Variants in PCDH15 observed in about 807,000 individuals in gnomAD.
PCDH15 encodes protocadherin-15.
In PCDH15, 129 loss-of-function variants were observed where a neutral mutation model predicts 178.5. That is an observed-to-expected ratio of 0.72 (90% CI 0.63 to 0.84). PCDH15 has a LOEUF of 0.84. Among genes scored for constraint, PCDH15 ranks in the 40% least tolerant of loss-of-function variants. PCDH15 has a pLI of 0.00. For synonymous variants in PCDH15, 800 were observed against 732.0 expected, an observed-to-expected ratio of 1.09 and a Z score of -1.50; for missense variants, 2,230 against 2,099.9, an observed-to-expected ratio of 1.06 and a Z score of -1.21.
intron 23 of PCDH15, among the ~76,000 whole-genome samples, chr10:53,951,142 C>T (rs1185232234): frequency 2.0e-5 from 3 of 152,162 alleles, no homozygotes; most frequent in Admixed American, 1.3e-4. Flanking sequence ...AAGATTAACA[C>T]ATTTTTCTCA....
intron 2 of PCDH15, among the ~76,000 whole-genome samples, chr10:54,534,112 T>C (rs1043095353): frequency 6.6e-6 from 1 of 152,142 alleles, no homozygotes; most frequent in Non-Finnish European, 1.5e-5. Context: ...ATAGACAGAC[T>C]AGGCCTACAT....
chr10:54,008,885 A>G lies in PCDH15; in HGVS notation c.2751+11307T>C, dbSNP rs140197311. On this transcript the variant is annotated intron_variant, in intron 20 of 37. Transcript: ENST00000644397. ...TTTTGCTATTTAGTCTATATAGATC[A>G]CTCTCACCTTAGTCTTTTTCATCTG... Among the ~76,000 whole-genome samples the G allele has an allele frequency of 2.5e-3, 375 of 152,238 alleles. 3 individuals carry two copies. Among genetic ancestry groups the G allele is most frequent in the African/African-American group, 8.4e-3 (348 of 41,558 alleles).
chr10:54,429,448 C>G (rs1956692661), intron 3 of PCDH15, among the ~76,000 whole-genome samples: 1 of 152,074 alleles, frequency 6.6e-6, no homozygotes, highest in Non-Finnish European at 1.5e-5. Context: ...AGAAAACAAA[C>G]AGCAAAATGG....
chr10:54,477,120 G>A (rs2078330582), intron 3 of PCDH15, among the ~76,000 whole-genome samples: 1 of 152,120 alleles, frequency 6.6e-6, no homozygotes, highest in South Asian at 2.1e-4. Flanking sequence ...ACAATAAGGT[G>A]AGGCTCTTCA....
chr10:55,283,800 T>C (rs1021063781), intron 1 of PCDH15, among the ~76,000 whole-genome samples: 2 of 152,002 alleles, frequency 1.3e-5, no homozygotes, highest in Admixed American at 6.6e-5. Context: ...TCAAATAGAA[T>C]AAGAAATGCA....
At chr10:53,953,386 C>A (rs1167173056) in intron 23 of PCDH15, among the ~76,000 whole-genome samples, 2 of 152,118 alleles carry the variant, frequency 1.3e-5, no homozygotes, top group African/African-American at 4.8e-5. Context: ...GTTTCAATTA[C>A]TATAACAGCC....
intron 2 of PCDH15, among the ~76,000 whole-genome samples, chr10:55,381,343 A>T (rs1338474603): frequency 2.0e-5 from 3 of 152,158 alleles, no homozygotes; most frequent in Non-Finnish European, 4.4e-5. Flanking sequence ...AACCAAAAAT[A>T]AATGTGGTTT....
At chr10:54,971,650 C>A (rs1379730340) in intron 2 of PCDH15, among the ~76,000 whole-genome samples, 1 of 152,198 alleles carries the variant, frequency 6.6e-6, no homozygotes, top group Non-Finnish European at 1.5e-5. Context: ...GACACAGACA[C>A]TCTTCCTCCC....
chr10:54,421,891 C>CT (rs1565231810), intron 3 of PCDH15, among the ~76,000 whole-genome samples: 4 of 80,254 alleles, frequency 5.0e-5, no homozygotes, highest in African/African-American at 1.3e-4. Context: ...TATACACACA[C>CT]ACACTATATA....
chr10:54,182,410 C>T (rs2048071742), intron 13 of PCDH15, among the ~76,000 whole-genome samples: 1 of 152,046 alleles, frequency 6.6e-6, no homozygotes, highest in African/African-American at 2.4e-5. Flanking sequence ...AGTTGCTAAC[C>T]TCCTGAGTTT....
intron 9 of PCDH15, among the ~76,000 whole-genome samples, chr10:54,227,196 G>C (rs1162280394): frequency 7.9e-5 from 12 of 152,206 alleles, no homozygotes; most frequent in Non-Finnish European, 1.5e-4. Flanking sequence ...CACTAGTGGA[G>C]GTTCTTCATG....
At chr10:54,562,287 G>A (rs1486026503) in intron 2 of PCDH15, among the ~76,000 whole-genome samples, 1 of 152,130 alleles carries the variant, frequency 6.6e-6, no homozygotes, top group East Asian at 1.9e-4. Context: ...CACTGTGCCT[G>A]GCCTATCAAT....
intron 3 of PCDH15, among the ~76,000 whole-genome samples, chr10:54,496,189 G>A (rs369564375): frequency 1.3e-5 from 2 of 152,008 alleles, no homozygotes; most frequent in African/African-American, 2.4e-5. Flanking sequence ...TATTACTTCA[G>A]TTTGGTCAGG....
chr10:55,315,939 C>G (rs969518458), intron 1 of PCDH15, among the ~76,000 whole-genome samples: 1 of 152,190 alleles, frequency 6.6e-6, no homozygotes, highest in Non-Finnish European at 1.5e-5. Context: ...TCACTTGAAC[C>G]TGGGAGGCAG....
At chr10:55,507,141 A>T (rs1840775777) in intron 2 of PCDH15, among the ~76,000 whole-genome samples, 1 of 151,670 alleles carries the variant, frequency 6.6e-6, no homozygotes, top group South Asian at 2.1e-4. Context: ...TTATAAAAAA[A>T]ATCTCACTCA....
chr10:54,216,555 A>G (rs1298391606), intron 9 of PCDH15, among the ~76,000 whole-genome samples: 3 of 152,228 alleles, frequency 2.0e-5, no homozygotes, highest in African/African-American at 7.2e-5. Flanking sequence ...AAAGATGCTT[A>G]TCTCGATACA....
chr10:54,233,114 T>G (rs909944039), intron 9 of PCDH15, among the ~76,000 whole-genome samples: 1 of 151,978 alleles, frequency 6.6e-6, no homozygotes, highest in African/African-American at 2.4e-5. Flanking sequence ...CAGCTAATTC[T>G]TGTATTTTTT....
intron 10 of PCDH15, among the ~76,000 whole-genome samples, chr10:54,205,397 G>T (rs571119984): frequency 3.0e-4 from 46 of 151,928 alleles, no homozygotes; most frequent in African/African-American, 1.1e-3. Context: ...TTCTCTGTAG[G>T]ATCCTGCAGC....
chr10:54,014,578 T>A (rs565943127), intron 20 of PCDH15, among the ~76,000 whole-genome samples: 149 of 152,270 alleles, frequency 9.8e-4, no homozygotes, highest in Non-Finnish European at 1.7e-3. Context: ...CAAGTAGGTT[T>A]TATGCCTGGG....
Sources: allele counts gnomAD v4.1 joint callset (sites outside exome capture counted in the v4.1 genomes callset), GRCh38; gene constraint gnomAD v4.1.1; transcripts MANE v1.5; gene names NCBI Gene and HGNC (gene_info 2026-07-23, HGNC 2026-07-21).